Variants in CSMD1 observed in about 807,000 individuals in gnomAD.
The protein encoded by CSMD1 is CUB and Sushi multiple domains 1, also known as CUB and sushi domain-containing protein 1.
Under a neutral mutation model 417.5 loss-of-function variants are expected in CSMD1, and 213 were observed. The ratio of observed to expected loss-of-function variants is 0.51; its 90% CI spans 0.46 to 0.57. CSMD1 has a LOEUF of 0.57. CSMD1 is among the 20% of genes least tolerant of loss of function. CSMD1 has a pLI of 0.00. For synonymous variants in CSMD1, 2,862 were observed against 1,736.8 expected (o/e 1.65, Z -16.11); for missense variants, 6,923 against 4,529.7 (o/e 1.53, Z -15.17).
At chr8:4,358,658 C>T (rs1348456071) in intron 3 of CSMD1, among the ~76,000 whole-genome samples, 1 of 152,136 alleles carries the variant, frequency 6.6e-6, no homozygotes, top group Non-Finnish European at 1.5e-5. Flanking sequence ...CCTTTTAGTG[C>T]TAACTTGGTA....
chr8:3,214,836 A>C, intron 29 of CSMD1, 145 bp from the exon 30 acceptor site: 1 of 500,714 alleles, frequency 2.0e-6, no homozygotes, highest in Non-Finnish European at 3.4e-6. Flanking sequence ...AAGAATATTT[A>C]TTGATTGGCT....
intron 3 of CSMD1, among the ~76,000 whole-genome samples, chr8:4,343,528 A>T (rs193078054): frequency 1.3e-5 from 2 of 152,120 alleles, no homozygotes; most frequent in African/African-American, 4.8e-5. Context: ...ATCAAATTGT[A>T]CAAGTTATAT....
At chr8:4,497,923 G>A (rs1024379953) in intron 2 of CSMD1, among the ~76,000 whole-genome samples, 7 of 152,204 alleles carry the variant, frequency 4.6e-5, no homozygotes, top group South Asian at 4.1e-4. Context: ...AGAAGCTCAC[G>A]GACACAGACC....
At chr8:3,530,704 T>C (rs1797943820) in intron 10 of CSMD1, among the ~76,000 whole-genome samples, 1 of 151,966 alleles carries the variant, frequency 6.6e-6, no homozygotes, top group African/African-American at 2.4e-5. Context: ...CTAATTTTTG[T>C]ATTTTTAGTA....
At chr8:3,497,783 A>G (rs754801774) in intron 10 of CSMD1, among the ~76,000 whole-genome samples, 48 of 152,196 alleles carry the variant, frequency 3.2e-4, no homozygotes, top group Non-Finnish European at 6.2e-4. Context: ...TGTTTTGCAC[A>G]TCCTCTATTC....
At chr8:4,498,475 TC>T (rs1463834836) in intron 2 of CSMD1, among the ~76,000 whole-genome samples, 1 of 152,204 alleles carries the variant, frequency 6.6e-6, no homozygotes, top group East Asian at 1.9e-4. Flanking sequence ...GAATTTTAGT[TC>T]AAACTTTTAA....
At chr8:3,908,682 C>A (rs528574931) in intron 5 of CSMD1, among the ~76,000 whole-genome samples, 1 of 150,090 alleles carries the variant, frequency 6.7e-6, no homozygotes, top group East Asian at 1.9e-4. Flanking sequence ...TAACATGAAA[C>A]AACTCTGGTG....
intron 3 of CSMD1, among the ~76,000 whole-genome samples, chr8:4,285,629 G>T (rs1250856833): frequency 2.0e-5 from 3 of 152,210 alleles, no homozygotes; most frequent in Non-Finnish European, 4.4e-5. Context: ...GCCCTAAATG[G>T]AATAGCACAG....
At chr8:4,059,898 A>G (rs1317676432) in intron 3 of CSMD1, among the ~76,000 whole-genome samples, 2 of 151,730 alleles carry the variant, frequency 1.3e-5, no homozygotes, top group Non-Finnish European at 2.9e-5. Context: ...TTCTGAAACT[A>G]TTCCAATCAA....
chr8:3,307,910 C>A, intron 24 of CSMD1, 89 bp from the exon 25 acceptor site: 1 of 1,405,648 alleles, frequency 7.1e-7, no homozygotes, highest in East Asian at 2.3e-5. Context: ...GCCATTATGT[C>A]TGCATTATAT....
At chr8:4,345,326 C>A (rs1290986176) in intron 3 of CSMD1, among the ~76,000 whole-genome samples, 7 of 152,114 alleles carry the variant, frequency 4.6e-5, no homozygotes, top group African/African-American at 1.4e-4. Context: ...ACATATAAAT[C>A]TTTTCCTTGC....
chr8:3,957,012 A>T (rs67491609), intron 5 of CSMD1, among the ~76,000 whole-genome samples: 69,143 of 151,956 alleles, frequency 0.46, 16,537 homozygotes, highest in East Asian at 0.74. Context: ...ACCCACATGG[A>T]AGTAGAGAGT....
intron 7 of CSMD1, among the ~76,000 whole-genome samples, chr8:3,659,318 T>C (rs1048451041): frequency 3.3e-5 from 5 of 152,194 alleles, no homozygotes; most frequent in Non-Finnish European, 5.9e-5. Flanking sequence ...TAGTTATTGT[T>C]ACAAAGAAAC....
At chr8:4,987,454 T>A (rs1473504202) in intron 1 of CSMD1, among the ~76,000 whole-genome samples, 1 of 152,242 alleles carries the variant, frequency 6.6e-6, no homozygotes, top group Non-Finnish European at 1.5e-5. Context: ...TCATGGTTTA[T>A]AATTATCTGA....
chr8:4,254,775 G>GTC (rs1803334939), intron 3 of CSMD1, among the ~76,000 whole-genome samples: 1 of 152,096 alleles, frequency 6.6e-6, no homozygotes, highest in Non-Finnish European at 1.5e-5. Flanking sequence ...GTTGCCTACA[G>GTC]TCTGCAGGAC....
chr8:4,785,416 TG>T (rs1416380110), intron 1 of CSMD1, among the ~76,000 whole-genome samples: 1 of 152,124 alleles, frequency 6.6e-6, no homozygotes, highest in East Asian at 1.9e-4. Flanking sequence ...GGTACCAAAA[TG>T]CCCCCACAGT....
At chr8:3,817,332 G>T (rs1311193994) in intron 5 of CSMD1, among the ~76,000 whole-genome samples, 1 of 128,074 alleles carries the variant, frequency 7.8e-6, no homozygotes, top group Admixed American at 9.9e-5. Flanking sequence ...CCAGGCTGGA[G>T]TACAGTGGCG....
intron 3 of CSMD1, among the ~76,000 whole-genome samples, chr8:4,094,935 T>G (rs1446034202): frequency 6.6e-6 from 1 of 152,192 alleles, no homozygotes; most frequent in African/African-American, 2.4e-5. Context: ...ATTGAAGGTT[T>G]TGAACTGGGA....
At chr8:4,552,393 C>A (rs1797913520) in intron 2 of CSMD1, among the ~76,000 whole-genome samples, 1 of 152,026 alleles carries the variant, frequency 6.6e-6, no homozygotes, top group African/African-American at 2.4e-5. Context: ...AATCCCGAAT[C>A]CTGTCTCAAA....
Sources: allele counts gnomAD v4.1 joint callset (sites outside exome capture counted in the v4.1 genomes callset), GRCh38; gene constraint gnomAD v4.1.1; transcripts MANE v1.5; gene names NCBI Gene and HGNC (gene_info 2026-07-23, HGNC 2026-07-21).